The following MTUS1 variants were observed in gnomAD, a reference collection of about 807,000 sequenced individuals.
MTUS1 encodes the protein microtubule-associated tumor suppressor 1.
In MTUS1, 109 loss-of-function variants were observed where a neutral mutation model predicts 120.8. The observed-to-expected ratio is 0.90, with a 90% CI of 0.77 to 1.06. The LOEUF (loss-of-function observed/expected upper bound fraction) is 1.06. MTUS1 is among the 50% of genes least tolerant of loss of function. The pLI is 0.00. For synonymous variants in MTUS1, 737 were observed against 550.5 expected (o/e 1.34, Z -4.74); for missense variants, 2,210 against 1,486.3 (o/e 1.49, Z -8.01).
Position 17,744,823 on chromosome 8 carries a change from G to C in MTUS1, c.2092-1024C>G, listed in dbSNP as rs112638806. Among the ~76,000 whole-genome samples, 291 of 151,862 alleles carry C rather than the reference G, an allele frequency of 1.9e-3. 2 individuals carry two copies. The highest frequency in any genetic ancestry group is 6.9e-3 in the African/African-American group (284 of 41,448). ...CTCCCAAAGGGCTGGGATTACAGGC[G>C]TGAGCCAATAACTTAATTCTTTCAA... On this transcript the variant is annotated intron_variant, in intron 2 of 14. Coordinates refer to ENST00000693296, the MANE Select transcript of MTUS1 (RefSeq NM_001363059.2).
intron 6 of MTUS1, among the ~76,000 whole-genome samples, chr8:17,694,599 C>G (rs986220308): frequency 6.6e-6 from 1 of 151,846 alleles, no homozygotes; most frequent in African/African-American, 2.4e-5. Context: ...ACCTGGGAGG[C>G]GGAGGTTGCA....
chr8:17,742,176 G>A (rs2047363791), intron 3 of MTUS1, among the ~76,000 whole-genome samples: 1 of 151,480 alleles, frequency 6.6e-6, no homozygotes, highest in Non-Finnish European at 1.5e-5. Context: ...CTGCAGCTTT[G>A]AACTTCTGGG....
At chr8:17,665,496 G>A (rs1459785211) in intron 8 of MTUS1, among the ~76,000 whole-genome samples, 3 of 147,550 alleles carry the variant, frequency 2.0e-5, no homozygotes, top group Non-Finnish European at 4.5e-5. Context: ...GGAAATAACG[G>A]AGCTGGATCT....
intron 5 of MTUS1, 39 bp downstream of exon 5, chr8:17,715,728 G>C (rs374740092): frequency 6.4e-7 from 1 of 1,571,442 alleles, no homozygotes; most frequent in Non-Finnish European, 8.6e-7. Context: ...GACTTTAAGC[G>C]TCTTGCCCTC....
chr8:17,747,240 G>A (rs374545274), intron 2 of MTUS1, among the ~76,000 whole-genome samples: 8 of 149,396 alleles, frequency 5.4e-5, no homozygotes, highest in African/African-American at 2.0e-4. Flanking sequence ...CACCTACCTA[G>A]AGTCCCCTAA....
At chr8:17,768,690 T>G (rs1017170737) in intron 1 of MTUS1, among the ~76,000 whole-genome samples, 3 of 152,082 alleles carry the variant, frequency 2.0e-5, no homozygotes, top group Admixed American at 6.5e-5. Flanking sequence ...ATCAAGTGAC[T>G]TATAAGAAGA....
intron 8 of MTUS1, among the ~76,000 whole-genome samples, chr8:17,657,058 CAAAAAAA>C (rs1219286349): frequency 1.1e-4 from 6 of 56,722 alleles, no homozygotes; most frequent in Admixed American, 2.1e-4. Flanking sequence ...GATTCTGTCT[CAAAAAAA>C]AAAAAAAAAA....
chr8:17,747,495 C>T (rs755599525), intron 2 of MTUS1, among the ~76,000 whole-genome samples: 12 of 152,128 alleles, frequency 7.9e-5, no homozygotes, highest in South Asian at 2.1e-4. Context: ...TCTAGGCAGA[C>T]GGGGGCAGGT....
chr8:17,742,288 G>GTTTTTTTTTTTTT (rs1362170650), intron 3 of MTUS1, among the ~76,000 whole-genome samples: 1 of 67,568 alleles, frequency 1.5e-5, no homozygotes, highest in Non-Finnish European at 2.8e-5. Flanking sequence ...TTTTGTTGTT[G>GTTTTTTTTTTTTT]TTGTTTTTTT....
intron 1 of MTUS1, among the ~76,000 whole-genome samples, chr8:17,795,213 C>A (rs527736966): frequency 2.0e-5 from 3 of 152,250 alleles, no homozygotes; most frequent in African/African-American, 7.2e-5. Flanking sequence ...ATTATTTACA[C>A]AAGAATGTAT....
In MTUS1 at chr8:17,754,392, C is replaced by G. The variant is rs752604196; in HGVS notation, c.1416G>C (p.Val472=). Residue 472 remains valine, a synonymous_variant, in exon 2 of 15, where the codon GTG becomes GTC. Transcript: ENST00000693296. ...KNIPDSKEAP[V]NLCKPSLGKS... ...TTCCTAAACTGGGTTTACACAGGTTCACAGGTGCCTCCTTCGAGTCTGGTA... is the reference window on the plus strand; with the variant it reads ...TTCCTAAACTGGGTTTACACAGGTTGACAGGTGCCTCCTTCGAGTCTGGTA... 8.1e-6 allele frequency: 13 copies of G among 1,614,158 alleles called. No homozygotes were observed. In the South Asian group the frequency reaches 1.3e-4, roughly 16 times the overall value.
chr8:17,773,448 T>A (rs767981296), intron 1 of MTUS1, among the ~76,000 whole-genome samples: 1 of 152,236 alleles, frequency 6.6e-6, no homozygotes, highest in Non-Finnish European at 1.5e-5. Context: ...CACTTTGATG[T>A]ATATGTTACT....
chr8:17,654,573 C>T lies in MTUS1; in HGVS notation c.3202G>A (p.Ala1068Thr), dbSNP rs745458657. Residue 1068 changes from alanine (A) to threonine (T), a missense_variant, in exon 10 of 15, where the codon GCC (alanine) becomes ACC (threonine). Physicochemically the swap from Ala to Thr is moderately conservative, Grantham distance 58. Transcript: ENST00000693296. ...AAAGCATCCTTGCCTGAAAGGGAGG[C>T]TTCATAGGCCTTCTTTAGCAATTCA... ...KLELLKKAYE[A>T]SLSEIKKGHE... 32 of 1,606,088 alleles carry T rather than the reference C, an allele frequency of 2.0e-5. No homozygotes were observed. The South Asian group carries it at 3.1e-4, about 15-fold the overall frequency.
intron 1 of MTUS1, among the ~76,000 whole-genome samples, chr8:17,795,127 T>C (rs2052116112): frequency 6.6e-6 from 1 of 152,228 alleles, no homozygotes; most frequent in Non-Finnish European, 1.5e-5. Context: ...AATATTACCA[T>C]GTTTCCAATG....
intron 6 of MTUS1, among the ~76,000 whole-genome samples, chr8:17,688,563 T>C (rs1483714513): frequency 6.6e-6 from 1 of 152,092 alleles, no homozygotes. Context: ...AGACAGAAAA[T>C]TCCCTTTTTT....
intron 2 of MTUS1, among the ~76,000 whole-genome samples, chr8:17,745,475 G>T (rs1229039123): frequency 1.3e-5 from 2 of 152,128 alleles, no homozygotes. Context: ...AATATTTTCA[G>T]TCCAAGTTTG....
At position 17,680,888 on chromosome 8, in the gene MTUS1, CACTGGGGGGAAT is replaced by C. The variant is rs939876574; in HGVS notation, c.2838+3428_2838+3439del. On this transcript the variant is annotated intron_variant, in intron 7 of 14. Coordinates refer to ENST00000693296, the MANE Select transcript of MTUS1 (RefSeq NM_001363059.2). ...TCAAATTGACTCCCGGGCCTTCGTTCACTGGGGGGAATACAAGGTGGACTTGTGTTCTTCATT... is the reference window on the plus strand; with the variant it reads ...TCAAATTGACTCCCGGGCCTTCGTTCACAAGGTGGACTTGTGTTCTTCATT... Among the ~76,000 whole-genome samples, 88 of 152,188 alleles carry C rather than the reference CACTGGGGGGAAT, an allele frequency of 5.8e-4. 1 individual carries two copies. The highest frequency in any genetic ancestry group is 1.2e-3 in the Admixed American group (18 of 15,274).
At chr8:17,736,159 G>C (rs116843685) in intron 3 of MTUS1, among the ~76,000 whole-genome samples, 1,735 of 152,322 alleles carry the variant, frequency 0.011, 13 homozygotes, top group South Asian at 0.028. Flanking sequence ...CTACTCATGA[G>C]TCATTCCACA....
intron 4 of MTUS1, 189 bp downstream of exon 4, chr8:17,723,483 C>T: frequency 3.0e-6 from 2 of 664,950 alleles, no homozygotes; most frequent in South Asian, 3.3e-5. Context: ...TACTTTAACA[C>T]ATAATTATTT....
Sources: allele counts gnomAD v4.1 joint callset (sites outside exome capture counted in the v4.1 genomes callset), GRCh38; gene constraint gnomAD v4.1.1; transcripts MANE v1.5; gene names NCBI Gene and HGNC (gene_info 2026-07-23, HGNC 2026-07-21).